NEDD9: variants seen among roughly 807,000 people sequenced by gnomAD.
The protein encoded by NEDD9 is neural precursor cell expressed, developmentally down-regulated 9, also known as enhancer of filamentation 1.
In NEDD9, 26 loss-of-function variants were observed where a neutral mutation model predicts 76.6. The ratio of observed to expected loss-of-function variants is 0.34; its 90% CI spans 0.25 to 0.47. The LOEUF (loss-of-function observed/expected upper bound fraction) is 0.47, where lower values mean the gene tolerates loss of function less well. NEDD9 is among the 20% of genes least tolerant of loss of function. NEDD9 has a pLI of 1.00. For synonymous variants in NEDD9, 392 were observed against 414.2 expected (o/e 0.95, Z 0.65); for missense variants, 937 against 1,058.5 (o/e 0.89, Z 1.59).
At chr6:11,310,504 G>A (rs1019799063) in intron 2 of NEDD9, among the ~76,000 whole-genome samples, 1 of 152,102 alleles carries the variant, frequency 6.6e-6, no homozygotes, top group African/African-American at 2.4e-5. Flanking sequence ...CACACACCCT[G>A]CAGATGGTGC....
chr6:11,361,854 G>T (rs893394883), intron 1 of NEDD9, among the ~76,000 whole-genome samples: 1 of 152,162 alleles, frequency 6.6e-6, no homozygotes, highest in Admixed American at 6.5e-5. Context: ...GGGCTGAGAT[G>T]GGCTGGGGTG....
At chr6:11,187,783 T>C (rs1758015839) in intron 6 of NEDD9, among the ~76,000 whole-genome samples, 1 of 152,164 alleles carries the variant, frequency 6.6e-6, no homozygotes, top group South Asian at 2.1e-4. Context: ...AGTAGACTGA[T>C]AGAAAGAAGC....
chr6:11,339,397 T>C (rs754853125), intron 1 of NEDD9, among the ~76,000 whole-genome samples: 71 of 152,364 alleles, frequency 4.7e-4, no homozygotes, highest in Non-Finnish European at 7.3e-4. Context: ...TGGATGAGGC[T>C]GAGCCTTTCC....
rs189094264 is a variant in NEDD9, at chr6:11,238,457, T to C, written c.13-24730A>G. The stretch of plus-strand genomic sequence containing the variant: ...GGTCGAGTCTCCACCCTCGTGGGAC[T>C]AAGCTCAACTGAGAAACAGGTATTG... On this transcript the variant is annotated intron_variant, in intron 3 of 3. Transcript: ENST00000397378. Among the ~76,000 whole-genome samples the C allele has an allele frequency of 2.0e-3, 311 of 152,358 alleles. 3 individuals are homozygous for C. Among genetic ancestry groups the C allele is most frequent in the African/African-American group, 7.0e-3 (289 of 41,578 alleles).
At chr6:11,305,610 A>G (rs898174435) in intron 3 of NEDD9, among the ~76,000 whole-genome samples, 1 of 152,222 alleles carries the variant, frequency 6.6e-6, no homozygotes, top group Non-Finnish European at 1.5e-5. Flanking sequence ...TGACTGGCAA[A>G]CAGAGAAACA....
chr6:11,275,043 T>C (rs1043327807), intron 3 of NEDD9, among the ~76,000 whole-genome samples: 1 of 152,232 alleles, frequency 6.6e-6, no homozygotes, highest in Admixed American at 6.5e-5. Flanking sequence ...GCAGGACATA[T>C]AGATAGTAGA....
chr6:11,215,149 G>C (rs919661684), intron 1 of NEDD9, among the ~76,000 whole-genome samples: 4 of 152,174 alleles, frequency 2.6e-5, no homozygotes, highest in Non-Finnish European at 4.4e-5. Context: ...TAGTTGGGAC[G>C]GGTCCAGTTC....
chr6:11,261,822 T>C (rs1003432892), intron 3 of NEDD9, among the ~76,000 whole-genome samples: 7 of 152,128 alleles, frequency 4.6e-5, no homozygotes, highest in African/African-American at 1.7e-4. Context: ...TAAAAGTCTG[T>C]GTGCAGTGAA....
At chr6:11,290,119 C>T (rs1195439623) in intron 3 of NEDD9, among the ~76,000 whole-genome samples, 4 of 152,206 alleles carry the variant, frequency 2.6e-5, no homozygotes, top group African/African-American at 4.8e-5. Context: ...CTTACGATTC[C>T]GTTAAGGAGA....
At chr6:11,283,080 G>A (rs184934007) in intron 3 of NEDD9, among the ~76,000 whole-genome samples, 83 of 152,212 alleles carry the variant, frequency 5.5e-4, no homozygotes, top group African/African-American at 1.8e-3. Context: ...TGCCAGTCCC[G>A]TACCTGGAAT....
chr6:11,197,092 G>A (rs1758311949), intron 2 of NEDD9, among the ~76,000 whole-genome samples: 2 of 152,154 alleles, frequency 1.3e-5, no homozygotes, highest in Admixed American at 6.5e-5. Flanking sequence ...AGCTGAAGAC[G>A]CACACCAAGG....
At chr6:11,228,757 C>A (rs1452922879) in intron 1 of NEDD9, among the ~76,000 whole-genome samples, 4 of 152,038 alleles carry the variant, frequency 2.6e-5, no homozygotes, top group Non-Finnish European at 4.4e-5. Context: ...TGTAGGTAAG[C>A]CATTTAGCTC....
chr6:11,242,107 A>G (rs1759719999), intron 3 of NEDD9, among the ~76,000 whole-genome samples: 1 of 152,154 alleles, frequency 6.6e-6, no homozygotes, highest in African/African-American at 2.4e-5. Context: ...TGATAAAGAC[A>G]CCAGTGTCCA....
chr6:11,377,792 A>G (rs1200560558), intron 1 of NEDD9, among the ~76,000 whole-genome samples: 1 of 152,136 alleles, frequency 6.6e-6, no homozygotes, highest in Non-Finnish European at 1.5e-5. Context: ...TGGTTTAAAC[A>G]TTTGTCCCCT....
At position 11,311,548 on chromosome 6, in the gene NEDD9, C is replaced by T. The variant is rs147177055; in HGVS notation, c.-152-5393G>A. ...TGCTTACTGACTTTTCCATCTTATG[C>T]AAGTTAGTTTGTTTCCCTCTCTAAG... On this transcript the variant is annotated intron_variant, in intron 2 of 3. Coordinates refer to the NEDD9 transcript ENST00000397378. Among the ~76,000 whole-genome samples, 81 of 152,292 alleles carry T rather than the reference C, an allele frequency of 5.3e-4. 1 individual carries two copies. The East Asian group carries it at 0.014, about 27-fold the overall frequency.
At chr6:11,282,152 A>G (rs1051545132) in intron 3 of NEDD9, among the ~76,000 whole-genome samples, 3 of 152,252 alleles carry the variant, frequency 2.0e-5, no homozygotes, top group Non-Finnish European at 4.4e-5. Flanking sequence ...AAGGTACTTT[A>G]ATACATGGTT....
intron 1 of NEDD9, among the ~76,000 whole-genome samples, chr6:11,345,464 G>A (rs902990400): frequency 6.6e-6 from 1 of 151,454 alleles, no homozygotes; most frequent in East Asian, 1.9e-4. Context: ...GTGAGAGAGA[G>A]AGAGTGTGTG....
At chr6:11,285,288 G>A (rs943440724) in intron 3 of NEDD9, among the ~76,000 whole-genome samples, 2 of 152,028 alleles carry the variant, frequency 1.3e-5, no homozygotes, top group African/African-American at 4.8e-5. Flanking sequence ...ATATTTTGGT[G>A]TACAGTTCTC....
At chr6:11,262,823 C>A (rs1458731971) in intron 3 of NEDD9, among the ~76,000 whole-genome samples, 3 of 152,206 alleles carry the variant, frequency 2.0e-5, no homozygotes, top group Non-Finnish European at 4.4e-5. Context: ...ATGACATCTG[C>A]TTAATGTGAA....
Sources: gnomAD v4.1 joint callset for allele counts (sites outside exome capture counted in the v4.1 genomes callset) on GRCh38, gnomAD v4.1.1 for gene constraint, MANE v1.5 for transcripts, NCBI Gene and HGNC (gene_info 2026-07-23, HGNC 2026-07-21) for gene names.